PRKACB: variants seen among roughly 807,000 people sequenced by gnomAD.
PRKACB encodes the protein cAMP-dependent protein kinase catalytic subunit beta.
A neutral mutation model predicts 51.4 loss-of-function variants in PRKACB; 16 were observed. The observed-to-expected ratio is 0.31, with a 90% CI of 0.21 to 0.47. The LOEUF is 0.47. Among genes scored for constraint, PRKACB ranks in the 20% least tolerant of loss-of-function variants. PRKACB has a pLI of 1.00. For synonymous variants in PRKACB, 147 were observed against 154.4 expected (o/e 0.95, Z 0.35); for missense variants, 309 against 464.5 (o/e 0.67, Z 3.08).
chr1:84,238,244 G>A lies in PRKACB; in HGVS notation c.*2939G>A, dbSNP rs900950229. 1.3e-5 allele frequency: 2 copies of A among 151,952 alleles called. No homozygotes were observed. The highest frequency in any genetic ancestry group is 1.3e-4 in the Admixed American group (2 of 15,246). The allele number at this position is 151,952 out of a possible 1,614,324, so 9.4% of individuals were successfully genotyped here. A position where few individuals can be genotyped will look rare whatever the true frequency, so the allele number is the denominator to read the frequency against. ...ATTGGCCTGAAAATACTCATTGTAA[G>A]CCTGAAAAAAAAAATCTTTCCCACT... On this transcript the variant is annotated 3_prime_UTR_variant, in exon 10 of 10. Coordinates refer to ENST00000370685, the MANE Select transcript of PRKACB (RefSeq NM_182948.4).
chr1:84,107,782 A>T (rs1173890251), intron 1 of PRKACB, among the ~76,000 whole-genome samples: 6 of 152,028 alleles, frequency 3.9e-5, no homozygotes, highest in Non-Finnish European at 8.8e-5. Context: ...CAAAACCACA[A>T]GATACCATCT....
At chr1:84,150,699 G>C (rs1654752904) in intron 1 of PRKACB, among the ~76,000 whole-genome samples, 1 of 152,118 alleles carries the variant, frequency 6.6e-6, no homozygotes, top group African/African-American at 2.4e-5. Context: ...ATCATTGAAA[G>C]CTTCCTGAGG....
intron 1 of PRKACB, among the ~76,000 whole-genome samples, chr1:84,133,952 A>G (rs1314397764): frequency 2.0e-5 from 3 of 152,298 alleles, no homozygotes; most frequent in South Asian, 2.1e-4. Flanking sequence ...TACAGGAAAG[A>G]TTAGGTTGCA....
At chr1:84,209,635 C>T (rs190415919) in intron 8 of PRKACB, among the ~76,000 whole-genome samples, 34 of 152,084 alleles carry the variant, frequency 2.2e-4, no homozygotes, top group Non-Finnish European at 2.5e-4. Context: ...GCAAGGATTC[C>T]CCGTTTTCTT....
At chr1:84,180,183 GATATATATAT>G (rs3051182) in intron 2 of PRKACB, among the ~76,000 whole-genome samples, 37 of 32,060 alleles carry the variant, frequency 1.2e-3, no homozygotes, top group South Asian at 1.6e-3. Flanking sequence ...AAGAAACTGT[GATATATATAT>G]ATATATATAT....
chr1:84,234,303 A>T (rs916090566), intron 9 of PRKACB, among the ~76,000 whole-genome samples: 8 of 152,196 alleles, frequency 5.3e-5, no homozygotes, highest in Admixed American at 5.2e-4. Flanking sequence ...TGGGAGAACC[A>T]CTGCTCTCTT....
intron 1 of PRKACB, among the ~76,000 whole-genome samples, chr1:84,134,525 G>A (rs887344335): frequency 1.3e-5 from 2 of 152,080 alleles, no homozygotes; most frequent in African/African-American, 4.8e-5. Context: ...ATTTGAAGGT[G>A]GACTTAGATT....
intron 1 of PRKACB, among the ~76,000 whole-genome samples, chr1:84,102,523 A>G (rs1468754427): frequency 6.6e-6 from 1 of 152,230 alleles, no homozygotes; most frequent in Non-Finnish European, 1.5e-5. Context: ...GGCCCAAGGT[A>G]GAGAAAGCCC....
chr1:84,154,787 T>C (rs1252661038), intron 1 of PRKACB, among the ~76,000 whole-genome samples: 2 of 152,128 alleles, frequency 1.3e-5, no homozygotes, highest in Admixed American at 1.3e-4. Flanking sequence ...GTAAAAGTTA[T>C]ATATAATCAT....
At chr1:84,227,265 T>A (rs1371110937) in intron 9 of PRKACB, among the ~76,000 whole-genome samples, 1 of 152,104 alleles carries the variant, frequency 6.6e-6, no homozygotes, top group Admixed American at 6.5e-5. Flanking sequence ...TCTTGGGTAT[T>A]GGTCTCTTCA....
In PRKACB at chr1:84,184,068, T is replaced by C. The variant is rs1449847788; in HGVS notation, c.410T>C (p.Leu137Ser). The C allele has an allele frequency of 6.2e-7, 1 of 1,602,402 alleles. No individual in the cohort carries two copies. Among genetic ancestry groups the C allele is most frequent in the African/African-American group, 1.3e-5 (1 of 74,486 alleles). ...VVKLKQIEHTLNEKRILQAVN... is the reference protein window; with the variant it reads ...VVKLKQIEHTSNEKRILQAVN... ...AAACTGAAGCAAATAGAGCATACTT[T>C]GAATGAGAAAAGAATATTACAGGCA... Residue 137 changes from leucine to serine, a missense_variant, in exon 4 of 10, where the codon TTG becomes TCG. By Grantham distance (145) the Leu-to-Ser change is moderately radical. Transcript: ENST00000370685.
intron 1 of PRKACB, among the ~76,000 whole-genome samples, chr1:84,097,931 C>T (rs1475063989): frequency 6.6e-6 from 1 of 152,108 alleles, no homozygotes; most frequent in Admixed American, 6.6e-5. Context: ...AAATGCTAAT[C>T]TCTTACAGAA....
At chr1:84,124,977 C>G (rs140235954) in intron 1 of PRKACB, among the ~76,000 whole-genome samples, 2 of 152,206 alleles carry the variant, frequency 1.3e-5, no homozygotes, top group African/African-American at 4.8e-5. Context: ...CCACTTTCCT[C>G]ATCCCCATCA....
chr1:84,128,382 G>T (rs565718104), intron 1 of PRKACB, among the ~76,000 whole-genome samples: 93 of 152,176 alleles, frequency 6.1e-4, no homozygotes, highest in Middle Eastern at 6.8e-3. Context: ...GTTCATTTGG[G>T]TCTATAGCAT....
intron 9 of PRKACB, among the ~76,000 whole-genome samples, chr1:84,215,835 C>T (rs1672798779): frequency 6.6e-6 from 1 of 152,042 alleles, no homozygotes; most frequent in African/African-American, 2.4e-5. Context: ...AGATGATTTG[C>T]ATGAATAAAG....
At chr1:84,084,507 C>T (rs1557899485) in intron 1 of PRKACB, among the ~76,000 whole-genome samples, 1 of 152,044 alleles carries the variant, frequency 6.6e-6, no homozygotes, top group Admixed American at 6.5e-5. Flanking sequence ...GAAGATAAAT[C>T]ATTATGGAGC....
upstream of PRKACB, among the ~76,000 whole-genome samples, chr1:84,143,295 T>A (rs1049368855): frequency 1.3e-5 from 2 of 151,868 alleles, no homozygotes; most frequent in Non-Finnish European, 2.9e-5. Context: ...CTACTGAAAA[T>A]ACAAAAATTA....
intron 1 of PRKACB, among the ~76,000 whole-genome samples, chr1:84,156,614 T>G (rs979947453): frequency 7.9e-5 from 12 of 152,190 alleles, no homozygotes; most frequent in African/African-American, 2.9e-4. Context: ...TGAAATCTAG[T>G]CCAGGGATAG....
chr1:84,155,168 C>G (rs1230310051), intron 1 of PRKACB, among the ~76,000 whole-genome samples: 1 of 151,964 alleles, frequency 6.6e-6, no homozygotes, highest in Non-Finnish European at 1.5e-5. Context: ...TTAAAACTAA[C>G]AAATTCAATA....
Sources: allele counts gnomAD v4.1 joint callset (sites outside exome capture counted in the v4.1 genomes callset), GRCh38; gene constraint gnomAD v4.1.1; transcripts MANE v1.5; gene names NCBI Gene and HGNC (gene_info 2026-07-23, HGNC 2026-07-21).